KNOP1: variants seen among roughly 807,000 people sequenced by gnomAD.
KNOP1 encodes the protein lysine rich nucleolar protein 1.
A neutral mutation model predicts 30.6 loss-of-function variants in KNOP1; 20 were observed. The ratio of observed to expected loss-of-function variants is 0.65; its 90% CI spans 0.46 to 0.95. The LOEUF (loss-of-function observed/expected upper bound fraction) is 0.95. Among genes scored for constraint, KNOP1 ranks in the 40% least tolerant of loss-of-function variants. KNOP1 has a pLI of 0.00. For synonymous variants in KNOP1, 204 were observed against 210.0 expected, an observed-to-expected ratio of 0.97 and a Z score of 0.25; for missense variants, 540 against 562.0, an observed-to-expected ratio of 0.96 and a Z score of 0.40.
intron 4 of KNOP1, among the ~76,000 whole-genome samples, chr16:19,709,635 T>A (rs59476186): frequency 0.024 from 3,597 of 152,250 alleles, 138 homozygotes; most frequent in African/African-American, 0.081. Flanking sequence ...TCCCTACAGA[T>A]CACTCCAGGC....
chr16:19,711,779 A>G (rs774272749), intron 2 of KNOP1: 1 of 351,168 alleles, frequency 2.8e-6, no homozygotes, highest in Non-Finnish European at 5.4e-6. Flanking sequence ...CTTTCCCACT[A>G]CACACGTCAC....
chr16:19,711,273 C>G, intron 3 of KNOP1, 99 bp downstream of exon 3: 1 of 1,253,486 alleles, frequency 8.0e-7, no homozygotes, highest in Non-Finnish European at 1.2e-6. Context: ...CCTGGTGCCC[C>G]TGAGACCAGG....
chr16:19,708,339 C>T (rs1391229844), intron 4 of KNOP1, among the ~76,000 whole-genome samples: 2 of 151,958 alleles, frequency 1.3e-5, no homozygotes, highest in Admixed American at 6.6e-5. Flanking sequence ...TCTCCCAGGT[C>T]GGTGGGAGAG....
chr16:19,708,558 C>G (rs1299075614), intron 4 of KNOP1, among the ~76,000 whole-genome samples: 2 of 152,142 alleles, frequency 1.3e-5, no homozygotes, highest in Admixed American at 1.3e-4. Flanking sequence ...CGATGCATGG[C>G]ACACCTCAAG....
In KNOP1 at chr16:19,718,151, C is replaced by A. The variant is rs1977300166; in HGVS notation, c.-3+7G>T. On this transcript the variant is annotated splice_region_variant and intron_variant, in intron 1 of 4. Transcript: ENST00000219837. ...CCGGCCCGCCTGCAACGCGCCCTGG[C>A]ACTCACCGGTGGGCGAAATTTCCCC... The A allele has an allele frequency of 2.7e-6, 4 of 1,474,076 alleles. No individual in the cohort carries two copies. Among genetic ancestry groups the A allele is most frequent in the East Asian group, 2.5e-5 (1 of 40,460 alleles). The allele number at this position is 1,474,076 out of a possible 1,614,324, so 91.3% of individuals were successfully genotyped here. A position where few individuals can be genotyped will look rare whatever the true frequency, so the allele number is the denominator to read the frequency against.
rs934115139 is a variant in KNOP1 at position 19,715,252 on chromosome 16, T to C, written c.-2-215A>G. On this transcript the variant is annotated intron_variant, in intron 1 of 4. Coordinates refer to ENST00000219837, the MANE Select transcript of KNOP1 (RefSeq NM_001012991.3). Reference sequence around the variant, plus strand: ...CCCTAGGTTCAAACCTAAATGCCTCTCTCACCTTAAGTAAATCAGCTAACC... The same window carrying C: ...CCCTAGGTTCAAACCTAAATGCCTCCCTCACCTTAAGTAAATCAGCTAACC... The C allele has an allele frequency of 2.5e-4, 105 of 425,402 alleles. 1 individual carries two copies. Among genetic ancestry groups the C allele is most frequent in the Non-Finnish European group, 3.9e-4 (95 of 241,858 alleles). The allele number at this position is 425,402 out of a possible 1,614,324, so 26.4% of individuals were successfully genotyped here. A position where few individuals can be genotyped will look rare whatever the true frequency, so the allele number is the denominator to read the frequency against.
intron 3 of KNOP1, 88 bp from the exon 4 acceptor site, chr16:19,710,674 C>T (rs549894515): frequency 5.8e-5 from 62 of 1,070,304 alleles, no homozygotes; most frequent in African/African-American, 3.9e-4. Context: ...GCTGGGGGAA[C>T]GGAACGTGGG....
intron 4 of KNOP1, 174 bp downstream of exon 4, chr16:19,710,335 A>G: frequency 7.3e-6 from 5 of 682,504 alleles, no homozygotes; most frequent in Non-Finnish European, 1.3e-5. Context: ...TTCAGAAGGA[A>G]GGAAATTAGC....
At position 19,716,911 on chromosome 16, in the gene KNOP1, C is replaced by T. The variant is rs188198111; in HGVS notation, c.-3+1247G>A. ...AGGCTGGAGTGCAGTGGCATCATCTCGGCTCACTGCAACCTCCACCTCCCG... is the reference window on the plus strand; with the variant it reads ...AGGCTGGAGTGCAGTGGCATCATCTTGGCTCACTGCAACCTCCACCTCCCG... On this transcript the variant is annotated intron_variant, in intron 1 of 4. Coordinates refer to ENST00000219837, the MANE Select transcript of KNOP1 (RefSeq NM_001012991.3). Among the ~76,000 whole-genome samples the T allele has an allele frequency of 1.9e-3, 297 of 152,334 alleles. 2 individuals are homozygous for T. Among genetic ancestry groups the T allele is most frequent in the East Asian group, 3.9e-4 (2 of 5,182 alleles).
In KNOP1 at chr16:19,717,971, C is replaced by T. The variant is rs1386341364; in HGVS notation, c.-3+187G>A. 1.0e-5 allele frequency: 13 copies of T among 1,268,200 alleles called. No homozygotes were observed. In the East Asian group the frequency reaches 4.9e-4, roughly 48 times the overall value. 78.6% of individuals were successfully genotyped at this position (1,268,200 alleles called of 1,614,324 possible). A position where few individuals can be genotyped will look rare whatever the true frequency, so the allele number is the denominator to read the frequency against. ...GGAGGGATTACGTGGGGTCCCAGGG[C>T]CGGCTCTGAGGCGGGAAAACTTTCT... On this transcript the variant is annotated intron_variant, in intron 1 of 4. Coordinates refer to ENST00000219837, the MANE Select transcript of KNOP1 (RefSeq NM_001012991.3).
intron 1 of KNOP1, among the ~76,000 whole-genome samples, chr16:19,716,967 CG>C (rs929315920): frequency 5.9e-5 from 9 of 152,174 alleles, no homozygotes; most frequent in African/African-American, 2.2e-4. Flanking sequence ...CTCAGCCTCC[CG>C]AGTAGCCGGG....
At chr16:19,710,472 G>A (rs765302551) in intron 4 of KNOP1, 37 bp downstream of exon 4, 15 of 1,606,096 alleles carry the variant, frequency 9.3e-6, no homozygotes, top group South Asian at 5.5e-5. Flanking sequence ...GAGGCCGAGC[G>A]TGCCACCTCC....
At position 19,707,295 on chromosome 16, in the gene KNOP1, T is replaced by C. The variant is rs1401165955; in HGVS notation, c.1066-74A>G. On this transcript the variant is annotated intron_variant, in intron 4 of 4. Coordinates refer to ENST00000219837, the MANE Select transcript of KNOP1 (RefSeq NM_001012991.3). ...TTCCTTCCCTTGACCCCCACCCTCA[T>C]CAGGGAGGGCCCAGCAGATTAGATG... is the stretch of plus-strand genomic sequence containing the variant. The C allele has an allele frequency of 1.8e-5, 23 of 1,264,788 alleles. No homozygotes were observed. In the East Asian group the frequency reaches 3.7e-4, roughly 20 times the overall value. The allele number at this position is 1,264,788 out of a possible 1,614,324, so 78.3% of individuals were successfully genotyped here. A position where few individuals can be genotyped will look rare whatever the true frequency, so the allele number is the denominator to read the frequency against.
Position 19,706,739 on chromosome 16 carries a change from T to G in KNOP1, c.*171A>C. The G allele has an allele frequency of 1.4e-6, 1 of 706,692 alleles. No individual in the cohort carries two copies. The highest frequency in any genetic ancestry group is 1.8e-5 in the South Asian group (1 of 56,036). The allele number at this position is 706,692 out of a possible 1,614,324, so 43.8% of individuals were successfully genotyped here. ...CATTTGCACAACTGAATAAACCATT[T>G]ATGCCTAGTGTTCCATTACTGGAAC... On this transcript the variant is annotated 3_prime_UTR_variant, in exon 5 of 5. Transcript: ENST00000219837.
In KNOP1 at chr16:19,710,540, T is replaced by C; in HGVS notation, c.1034A>G (p.Lys345Arg). Residue 345 changes from lysine to arginine, a missense_variant, in exon 4 of 5, where the codon AAA (lysine) becomes AGA (arginine). Physicochemically the swap from Lys to Arg is conservative, Grantham distance 26. Transcript: ENST00000219837. Reference protein sequence around the residue: ...LQEEIDRESGKTEASETRKWT... With the variant: ...LQEEIDRESGRTEASETRKWT... ...CTTCCTGGTTTCAGAAGCTTCCGTT[T>C]TGCCTGACTCGCGATCGATCTCTTC... 1 of 1,612,656 alleles carries C rather than the reference T, an allele frequency of 6.2e-7. No individual in the cohort carries two copies. The highest frequency in any genetic ancestry group is 1.1e-5 in the South Asian group (1 of 91,010).
chr16:19,710,296 A>G, intron 4 of KNOP1: 1 of 612,210 alleles, frequency 1.6e-6, no homozygotes, highest in Non-Finnish European at 2.9e-6. Context: ...TCACCGGGCC[A>G]GCTCTCTAGG....
Position 19,707,235 on chromosome 16 carries a change from A to G in KNOP1, c.1066-14T>C. On this transcript the variant is annotated splice_polypyrimidine_tract_variant and intron_variant, in intron 4 of 4. Coordinates refer to ENST00000219837, the MANE Select transcript of KNOP1 (RefSeq NM_001012991.3). ...AAACTGGGTTCCCTGTGAGGAGAGG[A>G]AAAAGGTGGCTATTTTCCTTGAGTT... 2.5e-6 allele frequency: 4 copies of G among 1,602,064 alleles called. No homozygotes were observed. Among genetic ancestry groups the G allele is most frequent in the Non-Finnish European group, 3.4e-6 (4 of 1,176,572 alleles).
intron 2 of KNOP1, among the ~76,000 whole-genome samples, 190 bp downstream of exon 2, chr16:19,713,928 G>C (rs1322258382): frequency 6.6e-6 from 1 of 152,172 alleles, no homozygotes; most frequent in Non-Finnish European, 1.5e-5. Context: ...CCTGAAGCTA[G>C]TTAACCATAA....
intron 1 of KNOP1, 127 bp from the exon 2 acceptor site, chr16:19,715,164 A>G: frequency 1.6e-6 from 1 of 627,310 alleles, no homozygotes; most frequent in Non-Finnish European, 2.7e-6. Context: ...GAAAATGGAC[A>G]TGATTCCTTT....
Sources: allele counts gnomAD v4.1 joint callset (sites outside exome capture counted in the v4.1 genomes callset), GRCh38; gene constraint gnomAD v4.1.1; transcripts MANE v1.5; gene names NCBI Gene and HGNC (gene_info 2026-07-23, HGNC 2026-07-21).